KCNH1: variants seen among roughly 807,000 people sequenced by gnomAD.
KCNH1 encodes the protein voltage-gated delayed rectifier potassium channel KCNH1.
In KCNH1, 27 loss-of-function variants were observed where a neutral mutation model predicts 69.2. The observed-to-expected ratio is 0.39, with a 90% CI of 0.29 to 0.54. The LOEUF (loss-of-function observed/expected upper bound fraction) is 0.54, where lower values mean the gene tolerates loss of function less well. KCNH1 is among the 20% of genes least tolerant of loss of function. The probability of loss-of-function intolerance (pLI) is 0.68; values close to 1 mark genes in which losing one functional copy is unlikely to be tolerated. For missense variants in KCNH1, 798 were observed against 1,261.6 expected (o/e 0.63, Z 5.57); for synonymous variants, 456 against 487.7 (o/e 0.93, Z 0.86).
chr1:210,917,264 AAAGAAAGAAAG>A (rs1026667228), intron 7 of KCNH1, among the ~76,000 whole-genome samples: 4 of 150,168 alleles, frequency 2.7e-5, no homozygotes, highest in African/African-American at 7.5e-5. Context: ...AGAAAGAAAG[AAAGAAAGAAAG>A]AAAGAAAAGA....
chr1:210,954,493 A>G (rs969762451), intron 6 of KCNH1, among the ~76,000 whole-genome samples: 5 of 152,176 alleles, frequency 3.3e-5, no homozygotes, highest in Admixed American at 6.5e-5. Flanking sequence ...GTCTTCCACA[A>G]TGGTTGAACT....
intron 6 of KCNH1, among the ~76,000 whole-genome samples, chr1:211,002,381 C>T (rs1010756056): frequency 6.8e-6 from 1 of 147,550 alleles, no homozygotes; most frequent in African/African-American, 2.5e-5. Context: ...TATACACCAT[C>T]CTAGGGCCCA....
intron 7 of KCNH1, among the ~76,000 whole-genome samples, chr1:210,874,407 C>A (rs757401135): frequency 6.6e-6 from 1 of 152,194 alleles, no homozygotes; most frequent in Non-Finnish European, 1.5e-5. Context: ...GCAGGACTTA[C>A]CCTAGAAATA....
At chr1:211,130,864 A>T (rs912307458) in intron 1 of KCNH1, among the ~76,000 whole-genome samples, 4 of 152,282 alleles carry the variant, frequency 2.6e-5, no homozygotes, top group African/African-American at 9.6e-5. Context: ...AGGTGAACAG[A>T]CTGCATTTCC....
intron 10 of KCNH1, among the ~76,000 whole-genome samples, chr1:210,722,550 C>T (rs1574211115): frequency 6.6e-6 from 1 of 152,184 alleles, no homozygotes; most frequent in Non-Finnish European, 1.5e-5. Context: ...CAGATGAGTC[C>T]TGCCCTCTAC....
At chr1:210,982,620 T>G (rs1571549267) in intron 6 of KCNH1, among the ~76,000 whole-genome samples, 1 of 152,178 alleles carries the variant, frequency 6.6e-6, no homozygotes, top group Non-Finnish European at 1.5e-5. Flanking sequence ...TATGGCTGCA[T>G]AGTATTCCAT....
At chr1:211,122,520 T>C (rs558729622) in intron 1 of KCNH1, among the ~76,000 whole-genome samples, 1 of 152,302 alleles carries the variant, frequency 6.6e-6, no homozygotes, top group African/African-American at 2.4e-5. Context: ...TAAAGACACA[T>C]GCACATGCAT....
At chr1:211,041,668 C>A (rs1689997803) in intron 5 of KCNH1, among the ~76,000 whole-genome samples, 1 of 152,164 alleles carries the variant, frequency 6.6e-6, no homozygotes, top group East Asian at 1.9e-4. Context: ...GATCTACATT[C>A]TTGCTGTGAC....
At chr1:210,988,894 C>A (rs1688892859) in intron 6 of KCNH1, among the ~76,000 whole-genome samples, 1 of 152,210 alleles carries the variant, frequency 6.6e-6, no homozygotes, top group South Asian at 2.1e-4. Context: ...AAATAAATTT[C>A]ATTCACTGAA....
chr1:210,919,615 C>T lies in KCNH1; in HGVS notation c.1462+25G>A. The T allele has an allele frequency of 1.9e-6, 3 of 1,591,218 alleles. No individual in the cohort carries two copies. The highest frequency in any genetic ancestry group is 2.6e-6 in the Non-Finnish European group (3 of 1,165,010). The stretch of plus-strand genomic sequence containing the variant: ...CCAGCTAACAGAAGAGATGGCCAAC[C>T]CCACCCCAGCACTGTCATACTTACA... On this transcript the variant is annotated intron_variant, in intron 7 of 10. Transcript: ENST00000271751. The surrounding 1 kb of genome is among the most constrained non-coding windows in gnomAD (Gnocchi z 4.2).
intron 7 of KCNH1, chr1:210,862,018 C>A (rs1685989792): frequency 1.3e-6 from 1 of 776,162 alleles, no homozygotes; most frequent in Non-Finnish European, 2.4e-6. Context: ...TTCTCAAATA[C>A]AATGGCAATC....
At chr1:210,705,352 G>A (rs886267251) in intron 10 of KCNH1, among the ~76,000 whole-genome samples, 4 of 152,166 alleles carry the variant, frequency 2.6e-5, no homozygotes, top group Non-Finnish European at 4.4e-5. Flanking sequence ...CTCCTCCCTG[G>A]GGGTTTAACA....
chr1:210,705,525 A>C (rs1157578295), intron 10 of KCNH1, among the ~76,000 whole-genome samples: 2 of 152,182 alleles, frequency 1.3e-5, no homozygotes, highest in Admixed American at 1.3e-4. Flanking sequence ...TTGAAGCCAG[A>C]GGGTCGACCC....
chr1:211,062,028 A>G (rs1690440873), intron 5 of KCNH1, among the ~76,000 whole-genome samples: 1 of 152,148 alleles, frequency 6.6e-6, no homozygotes, highest in African/African-American at 2.4e-5. Context: ...AGCAAAAAGA[A>G]CAGAACTGGA....
At chr1:211,035,791 C>T (rs1689886420) in intron 5 of KCNH1, among the ~76,000 whole-genome samples, 1 of 152,146 alleles carries the variant, frequency 6.6e-6, no homozygotes, top group African/African-American at 2.4e-5. Context: ...ATTCCCTGAC[C>T]AAAAGAGTAT....
At chr1:210,779,428 A>T (rs1458684601) in intron 9 of KCNH1, among the ~76,000 whole-genome samples, 2 of 152,228 alleles carry the variant, frequency 1.3e-5, no homozygotes, top group African/African-American at 4.8e-5. Flanking sequence ...AAGGAGATAG[A>T]ACATTTGGCA....
chr1:210,978,000 G>T (rs1227165136), intron 6 of KCNH1, among the ~76,000 whole-genome samples: 4 of 150,634 alleles, frequency 2.7e-5, no homozygotes, highest in Non-Finnish European at 5.9e-5. Context: ...ATAATTTCTA[G>T]CTCCTTACTT....
At chr1:210,732,263 G>A (rs528493476) in intron 10 of KCNH1, among the ~76,000 whole-genome samples, 3 of 151,884 alleles carry the variant, frequency 2.0e-5, no homozygotes, top group South Asian at 2.1e-4. Context: ...CCACCAGCTC[G>A]GGCATCAACT....
intron 10 of KCNH1, among the ~76,000 whole-genome samples, chr1:210,723,280 A>G (rs974395173): frequency 1.3e-5 from 2 of 152,128 alleles, no homozygotes; most frequent in African/African-American, 4.8e-5. Flanking sequence ...GGCTTCTCTC[A>G]TCCTTTAGCC....
Sources: allele counts gnomAD v4.1 joint callset (sites outside exome capture counted in the v4.1 genomes callset), GRCh38; gene constraint gnomAD v4.1.1; non-coding constraint Gnocchi (gnomAD v3.1); transcripts MANE v1.5; gene names NCBI Gene and HGNC (gene_info 2026-07-23, HGNC 2026-07-21).